Variants in MCM9 observed in about 807,000 individuals in gnomAD.
MCM9 encodes the protein DNA helicase MCM9.
Under a neutral mutation model 72.8 loss-of-function variants are expected in MCM9, and 55 were observed. The observed-to-expected ratio is 0.76, with a 90% confidence interval of 0.61 to 0.95. The LOEUF (loss-of-function observed/expected upper bound fraction) is 0.95. MCM9 is among the 40% of genes least tolerant of loss of function. The pLI is 0.00. For synonymous variants in MCM9, 480 were observed against 503.4 expected, an observed-to-expected ratio of 0.95 and a Z score of 0.62; for missense variants, 1,279 against 1,377.0, an observed-to-expected ratio of 0.93 and a Z score of 1.13.
chr6:118,824,345 C>CTTTTTTTTTTTTTTTTTT (rs781078527), intron 13 of MCM9, among the ~76,000 whole-genome samples: 2 of 148,762 alleles, frequency 1.3e-5, no homozygotes, highest in African/African-American at 2.5e-5. Context: ...TTTAGTCTTT[C>CTTTTTTTTTTTTTTTTTT]TTTTTTTTTC....
Position 118,817,043 on chromosome 6 carries a change from T to C in MCM9, c.1962-749A>G, listed in dbSNP as rs1030757589. On this transcript the variant is annotated intron_variant, in intron 13 of 13. Coordinates refer to ENST00000619706, the MANE Select transcript of MCM9 (RefSeq NM_017696.3). ...TTCTACGAATGAAAGATCTGTTCAG[T>C]GATAATCATTTTAAATGATTTTAAA... Among the ~76,000 whole-genome samples, 5 of 152,202 alleles carry C rather than the reference T, an allele frequency of 3.3e-5. No individual in the cohort carries two copies. In the South Asian group the frequency reaches 1.0e-3, roughly 32 times the overall value.
chr6:118,899,166 T>C (rs1779635364), intron 8 of MCM9, among the ~76,000 whole-genome samples: 1 of 152,226 alleles, frequency 6.6e-6, no homozygotes, highest in Non-Finnish European at 1.5e-5. Flanking sequence ...ATATTGTTTC[T>C]TCCCTTGTCC....
In MCM9 at chr6:118,829,169, C is replaced by T; in HGVS notation, c.1407G>A (p.Val469=). ...PKGQYDPQES[V]SVNIALGSPL... ...GGCTGCCGAGGGCAATGTTCACAGACACGGACTCCTGGGGGTCGTACTGGC... is the reference window on the plus strand; with the variant it reads ...GGCTGCCGAGGGCAATGTTCACAGATACGGACTCCTGGGGGTCGTACTGGC... The change falls in exon 10 of 14, where the codon GTG becomes GTA. Residue 469 remains valine (V), a synonymous_variant. Transcript: ENST00000619706. 1 of 1,550,612 alleles carries T rather than the reference C, an allele frequency of 6.4e-7. No homozygotes were observed. Among genetic ancestry groups the T allele is most frequent in the Non-Finnish European group, 8.7e-7 (1 of 1,147,018 alleles).
chr6:118,926,097 A>G (rs1781870803), intron 3 of MCM9, among the ~76,000 whole-genome samples: 1 of 152,200 alleles, frequency 6.6e-6, no homozygotes. Flanking sequence ...CCATTCTTCC[A>G]TAACCCTAGC....
chr6:118,900,723 T>C (rs1439218951), intron 8 of MCM9: 1 of 1,347,216 alleles, frequency 7.4e-7, no homozygotes, highest in Non-Finnish European at 1.1e-6. Flanking sequence ...TCTGGTAATG[T>C]AATTACTGAA....
chr6:118,895,205 G>A (rs1309951384), intron 8 of MCM9, among the ~76,000 whole-genome samples: 5 of 151,936 alleles, frequency 3.3e-5, no homozygotes, highest in African/African-American at 7.2e-5. Flanking sequence ...CGCGCCGCGG[G>A]CTGGGCGCCG....
At chr6:118,912,334 A>G (rs1384402661) in intron 7 of MCM9, 2 of 152,174 alleles carry the variant, frequency 1.3e-5, no homozygotes, top group African/African-American at 4.8e-5. Context: ...TCTAACAGTT[A>G]AGTGAAGACC....
intron 8 of MCM9, among the ~76,000 whole-genome samples, chr6:118,886,327 C>T (rs948055960): frequency 1.7e-4 from 26 of 150,490 alleles, no homozygotes; most frequent in African/African-American, 5.9e-4. Flanking sequence ...AGGTTATAGA[C>T]AGAGAAATTG....
At chr6:118,853,005 T>A (rs919870194) in intron 9 of MCM9, among the ~76,000 whole-genome samples, 2 of 152,230 alleles carry the variant, frequency 1.3e-5, no homozygotes, top group Non-Finnish European at 2.9e-5. Flanking sequence ...GCTAGTAGTA[T>A]TCCATGGTAT....
intron 13 of MCM9, 76 bp downstream of exon 13, chr6:118,826,071 T>A: frequency 6.8e-7 from 1 of 1,469,712 alleles, no homozygotes; most frequent in Non-Finnish European, 9.1e-7. Context: ...TTCCACTTAA[T>A]GCACACTTGC....
At position 118,814,793 on chromosome 6, in the gene MCM9, A is replaced by T. The variant is rs1296722785; in HGVS notation, c.*31T>A. 3 of 1,468,776 alleles carry T rather than the reference A, an allele frequency of 2.0e-6. No individual in the cohort carries two copies. Among genetic ancestry groups the T allele is most frequent in the Non-Finnish European group, 9.0e-7 (1 of 1,109,112 alleles). The allele number at this position is 1,468,776 out of a possible 1,614,324, so 91.0% of individuals were successfully genotyped here. A position where few individuals can be genotyped will look rare whatever the true frequency, so the allele number is the denominator to read the frequency against. ...TGAAGGTCCTCTGTGGAGTTGAAGA[A>T]GGTGAGATTTGACCAGAAAGCTTTT... On this transcript the variant is annotated 3_prime_UTR_variant, in exon 14 of 14. Coordinates refer to ENST00000619706, the MANE Select transcript of MCM9 (RefSeq NM_017696.3).
intron 6 of MCM9, 89 bp downstream of exon 6, chr6:118,917,472 C>T (rs1209577989): frequency 2.4e-6 from 3 of 1,240,158 alleles, no homozygotes; most frequent in Non-Finnish European, 3.5e-6. Context: ...AGTTATGCGG[C>T]ATATAAGACT....
intron 9 of MCM9, among the ~76,000 whole-genome samples, chr6:118,840,297 G>A (rs1312560985): frequency 2.6e-5 from 4 of 152,064 alleles, no homozygotes; most frequent in African/African-American, 9.7e-5. Context: ...GGGGCCTTTG[G>A]GAGGTGATTT....
At chr6:118,818,587 C>T (rs931017275) in intron 13 of MCM9, among the ~76,000 whole-genome samples, 7 of 152,086 alleles carry the variant, frequency 4.6e-5, no homozygotes, top group Non-Finnish European at 8.8e-5. Context: ...GTTCTTTTTG[C>T]TTAGGATTAT....
intron 8 of MCM9, among the ~76,000 whole-genome samples, chr6:118,876,998 G>C (rs1248424966): frequency 6.6e-6 from 1 of 152,162 alleles, no homozygotes; most frequent in African/African-American, 2.4e-5. Flanking sequence ...TTCAAGGCTA[G>C]ATTGTTAAAA....
chr6:118,911,167 T>G, intron 8 of MCM9: 2 of 985,292 alleles, frequency 2.0e-6, no homozygotes, highest in Non-Finnish European at 2.4e-6. Flanking sequence ...TGAATGAAGC[T>G]CCACATTGCA....
At chr6:118,863,383 A>G (rs1777022775) in intron 8 of MCM9, among the ~76,000 whole-genome samples, 1 of 152,246 alleles carries the variant, frequency 6.6e-6, no homozygotes, top group South Asian at 2.1e-4. Context: ...GTTTTTAAAA[A>G]GGCATATAAT....
chr6:118,934,787 C>G (rs1782771405), intron 1 of MCM9, 104 bp downstream of exon 1: 1 of 152,296 alleles, frequency 6.6e-6, no homozygotes, highest in East Asian at 1.9e-4. Flanking sequence ...CGTGCCTGTC[C>G]GGTCCCGGAG....
intron 13 of MCM9, among the ~76,000 whole-genome samples, chr6:118,820,551 C>A (rs1773729362): frequency 6.6e-6 from 1 of 152,110 alleles, no homozygotes; most frequent in Non-Finnish European, 1.5e-5. Flanking sequence ...ATTCTGTGGT[C>A]AATTTTAGAA....
Sources: gnomAD v4.1 joint callset for allele counts (sites outside exome capture counted in the v4.1 genomes callset) on GRCh38, gnomAD v4.1.1 for gene constraint, MANE v1.5 for transcripts, NCBI Gene and HGNC (gene_info 2026-07-23, HGNC 2026-07-21) for gene names.